Variants in AP1S3 observed in about 807,000 individuals in gnomAD.
AP1S3 encodes adaptor related protein complex 1 subunit sigma 3, also known as AP-1 complex subunit sigma-3.
Under a neutral mutation model 20.9 loss-of-function variants are expected in AP1S3, and 10 were observed. The ratio of observed to expected loss-of-function variants is 0.48; its 90% CI spans 0.29 to 0.81. The LOEUF (loss-of-function observed/expected upper bound fraction) is 0.81. Among genes scored for constraint, AP1S3 ranks in the 30% least tolerant of loss-of-function variants. The probability of loss-of-function intolerance (pLI) is 0.08; values close to 1 mark genes in which losing one functional copy is unlikely to be tolerated. For missense variants in AP1S3, 154 were observed against 183.8 expected, an observed-to-expected ratio of 0.84 and a Z score of 0.94; for synonymous variants, 41 against 61.5, an observed-to-expected ratio of 0.67 and a Z score of 1.56.
chr2:223,770,382 C>G lies in AP1S3; in HGVS notation c.292-5032G>C, dbSNP rs903096150. 1.9e-5 allele frequency: 29 copies of G among 1,544,384 alleles called. No homozygotes were observed. The African/African-American group carries it at 2.9e-4, about 15-fold the overall frequency. On this transcript the variant is annotated intron_variant, in intron 3 of 4. Coordinates refer to ENST00000396654, the MANE Select transcript of AP1S3 (RefSeq NM_001039569.2). ...AATTCTCCAGGAACTTCTTATACCC[C>G]ACTTTGACACGTCCCCAGGTCTGGG...
chr2:223,794,773 CTA>C (rs1316012269), intron 1 of AP1S3, among the ~76,000 whole-genome samples: 2 of 152,300 alleles, frequency 1.3e-5, no homozygotes, highest in African/African-American at 4.8e-5. Flanking sequence ...AGCCACAAGA[CTA>C]TCTTTCCAAG....
intron 3 of AP1S3, among the ~76,000 whole-genome samples, chr2:223,770,497 T>TACACACACACACACACACACAC (rs58486635): frequency 1.4e-5 from 2 of 141,640 alleles, no homozygotes; most frequent in Non-Finnish European, 3.0e-5. Context: ...AGAGAGACAA[T>TACACACACACACACACACACAC]ACACACACAC....
rs993218255 is a variant in AP1S3, at chr2:223,781,808, CT to C, written c.4-3940del. ...TGCCTAGTGAACAGTTCCATTTTTACTGGGAAAATGAAGTCCACACATTTGC... is the reference window on the plus strand; with the variant it reads ...TGCCTAGTGAACAGTTCCATTTTTACGGGAAAATGAAGTCCACACATTTGC... On this transcript the variant is annotated intron_variant, in intron 1 of 4. Coordinates refer to ENST00000396654, the MANE Select transcript of AP1S3 (RefSeq NM_001039569.2). Among the ~76,000 whole-genome samples the C allele has an allele frequency of 4.6e-5, 7 of 152,050 alleles. No individual in the cohort carries two copies. The East Asian group carries it at 1.2e-3, about 25-fold the overall frequency.
intron 1 of AP1S3, among the ~76,000 whole-genome samples, chr2:223,833,334 C>T (rs1692322142): frequency 6.6e-6 from 1 of 152,038 alleles, no homozygotes; most frequent in Admixed American, 6.6e-5. Flanking sequence ...ACATTCTGCC[C>T]CATAAGCCTT....
At chr2:223,761,958 C>T (rs979407935) in intron 4 of AP1S3, among the ~76,000 whole-genome samples, 3 of 152,038 alleles carry the variant, frequency 2.0e-5, no homozygotes, top group Non-Finnish European at 4.4e-5. Context: ...TGACCACTAT[C>T]GCCTTTGAGA....
intron 3 of AP1S3, among the ~76,000 whole-genome samples, chr2:223,775,121 C>G (rs755495580): frequency 1.3e-5 from 2 of 151,378 alleles, no homozygotes. Context: ...CAGGTGAAGA[C>G]TCAAGAGGAA....
chr2:223,765,898 A>G (rs1229927756), intron 3 of AP1S3, among the ~76,000 whole-genome samples: 2 of 152,188 alleles, frequency 1.3e-5, no homozygotes, highest in African/African-American at 4.8e-5. Flanking sequence ...GGAGGTCTAG[A>G]TGAGAACTGA....
intron 3 of AP1S3, among the ~76,000 whole-genome samples, chr2:223,770,750 A>G (rs1690605796): frequency 2.2e-5 from 1 of 45,430 alleles, no homozygotes. Flanking sequence ...TTTTTTTGGA[A>G]ACAGTCTTAC....
chr2:223,780,302 TATATATAGAGAGAGAGAGAGAGAGAGAG>T (rs1276841830), intron 1 of AP1S3, among the ~76,000 whole-genome samples: 3 of 49,622 alleles, frequency 6.0e-5, no homozygotes, highest in African/African-American at 9.1e-5. Context: ...TATATATATA[TATATATAGAGAGAGAGAGAGAGAGAGAG>T]AGAGAGAGAG....
intron 1 of AP1S3, among the ~76,000 whole-genome samples, chr2:223,780,353 A>AGTGTGTGTGT (rs1559280869): frequency 2.0e-4 from 12 of 58,566 alleles, no homozygotes; most frequent in South Asian, 1.0e-3. Flanking sequence ...AGAGAGAGAG[A>AGTGTGTGTGT]GAGAGTGTGT....
Position 223,817,434 on chromosome 2 carries a change from C to A in AP1S3, c.3+20014G>T, listed in dbSNP as rs779254995. Among the ~76,000 whole-genome samples, 62 of 151,966 alleles carry A rather than the reference C, an allele frequency of 4.1e-4. No individual in the cohort carries two copies. The Middle Eastern group carries it at 0.01, about 25-fold the overall frequency. ...GACAAGCCTGACCAACATGGAGAAA[C>A]CCCGTCTCTACTAAAAATACAAAAT... On this transcript the variant is annotated intron_variant, in intron 1 of 4. Coordinates refer to ENST00000396654, the MANE Select transcript of AP1S3 (RefSeq NM_001039569.2).
intron 1 of AP1S3, among the ~76,000 whole-genome samples, chr2:223,805,113 T>G (rs1691548956): frequency 6.6e-6 from 1 of 152,194 alleles, no homozygotes; most frequent in East Asian, 1.9e-4. Context: ...TCAGCGGGCT[T>G]AGGAAGAATG....
intron 1 of AP1S3, among the ~76,000 whole-genome samples, chr2:223,817,721 G>A (rs1350225050): frequency 6.6e-6 from 1 of 151,908 alleles, no homozygotes; most frequent in Non-Finnish European, 1.5e-5. Flanking sequence ...TATTTAACTG[G>A]AATGGAGATA....
intron 1 of AP1S3, among the ~76,000 whole-genome samples, chr2:223,829,855 A>AAAC (rs1553527633): frequency 5.0e-4 from 75 of 150,970 alleles, no homozygotes; most frequent in Admixed American, 1.1e-3. Context: ...ACAAAAAAAA[A>AAAC]ACAAAAAAAC....
chr2:223,776,145 C>A (rs1466361749), intron 2 of AP1S3, 136 bp from the exon 3 acceptor site: 1 of 719,388 alleles, frequency 1.4e-6, no homozygotes, highest in Non-Finnish European at 2.6e-6. Flanking sequence ...TTATTCATCA[C>A]CCCCAATAGC....
intron 1 of AP1S3, among the ~76,000 whole-genome samples, chr2:223,830,478 CAAAAAAAA>C (rs11359575): frequency 1.7e-5 from 2 of 116,198 alleles, no homozygotes; most frequent in Non-Finnish European, 3.6e-5. Context: ...GACTCTCTCT[CAAAAAAAA>C]AAAAAAAAAA....
At chr2:223,788,483 G>T (rs1691127263) in intron 1 of AP1S3, among the ~76,000 whole-genome samples, 1 of 151,708 alleles carries the variant, frequency 6.6e-6, no homozygotes, top group South Asian at 2.1e-4. Context: ...GCTGGGCGCG[G>T]TGGCTCACGC....
chr2:223,761,803 T>C (rs1434080623), intron 4 of AP1S3, among the ~76,000 whole-genome samples: 1 of 152,144 alleles, frequency 6.6e-6, no homozygotes, highest in Non-Finnish European at 1.5e-5. Flanking sequence ...ACTTAAGCAG[T>C]CTTCCTGCCT....
chr2:223,784,455 C>T (rs111814212), intron 1 of AP1S3, among the ~76,000 whole-genome samples: 2,970 of 152,226 alleles, frequency 0.02, 45 homozygotes, highest in Non-Finnish European at 0.033. Context: ...GAGCACAACA[C>T]TTCTCATGTG....
Sources: gnomAD v4.1 joint callset for allele counts (sites outside exome capture counted in the v4.1 genomes callset) on GRCh38, gnomAD v4.1.1 for gene constraint, MANE v1.5 for transcripts, NCBI Gene and HGNC (gene_info 2026-07-23, HGNC 2026-07-21) for gene names.